The following EYS variants were observed in gnomAD, a reference collection of about 807,000 sequenced individuals.
The protein encoded by EYS is protein eyes shut homolog.
Under a neutral mutation model 282.1 loss-of-function variants are expected in EYS, and 250 were observed. That is an observed-to-expected ratio of 0.89 (90% CI 0.80 to 0.98). The LOEUF (loss-of-function observed/expected upper bound fraction) is 0.98, where lower values mean the gene tolerates loss of function less well. Among genes scored for constraint, EYS ranks in the 50% least tolerant of loss-of-function variants. The pLI is 0.00. For missense variants in EYS, 4,016 were observed against 3,709.0 expected, an observed-to-expected ratio of 1.08 and a Z score of -2.15; for synonymous variants, 1,355 against 1,282.9, an observed-to-expected ratio of 1.06 and a Z score of -1.20.
chr6:65,309,188 C>G (rs1399122455), intron 11 of EYS, among the ~76,000 whole-genome samples: 1 of 148,690 alleles, frequency 6.7e-6, no homozygotes, highest in African/African-American at 2.4e-5. Flanking sequence ...TAAATAAAGG[C>G]TGTTGATGGT....
intron 5 of EYS, among the ~76,000 whole-genome samples, chr6:65,484,009 A>T (rs1765699483): frequency 6.6e-6 from 1 of 152,168 alleles, no homozygotes; most frequent in African/African-American, 2.4e-5. Flanking sequence ...GTGGGAATTC[A>T]AGATGAGATT....
At chr6:64,046,995 T>C (rs1770650042) in intron 33 of EYS, among the ~76,000 whole-genome samples, 1 of 152,174 alleles carries the variant, frequency 6.6e-6, no homozygotes, top group Non-Finnish European at 1.5e-5. Context: ...CCCTTTATTC[T>C]CATAATATGC....
chr6:63,970,077 G>T (rs1440798470), intron 35 of EYS, among the ~76,000 whole-genome samples: 1 of 152,136 alleles, frequency 6.6e-6, no homozygotes, highest in East Asian at 1.9e-4. Flanking sequence ...AGAAAAAGCA[G>T]GTAGCTGAGA....
intron 16 of EYS, among the ~76,000 whole-genome samples, chr6:64,909,195 G>A (rs1157731401): frequency 2.0e-5 from 3 of 152,088 alleles, no homozygotes; most frequent in Non-Finnish European, 2.9e-5. Context: ...TAGGAAATCA[G>A]TATGTTTGTT....
At chr6:63,970,634 C>CAA (rs59815225) in intron 35 of EYS, among the ~76,000 whole-genome samples, 37,385 of 133,484 alleles carry the variant, frequency 0.28, 5,414 homozygotes, top group Non-Finnish European at 0.35. Flanking sequence ...GACTCCATCT[C>CAA]AAAAAAAAAA....
At chr6:65,338,388 G>T (rs1266407908) in intron 10 of EYS, among the ~76,000 whole-genome samples, 1 of 150,532 alleles carries the variant, frequency 6.6e-6, no homozygotes, top group Admixed American at 6.6e-5. Flanking sequence ...TCTCAACTTT[G>T]TGTATACAGA....
At chr6:63,860,055 C>CAACA (rs1178951982) in intron 36 of EYS, among the ~76,000 whole-genome samples, 1 of 152,130 alleles carries the variant, frequency 6.6e-6, no homozygotes. Flanking sequence ...TGTAATTGAA[C>CAACA]AACAGCTAGG....
chr6:64,040,522 C>A (rs1475331360), intron 33 of EYS, among the ~76,000 whole-genome samples: 2 of 151,842 alleles, frequency 1.3e-5, no homozygotes, highest in Non-Finnish European at 2.9e-5. Flanking sequence ...TATTGATTTT[C>A]AAATGTTAAT....
At chr6:65,275,519 T>C (rs1768021449) in intron 12 of EYS, among the ~76,000 whole-genome samples, 1 of 152,132 alleles carries the variant, frequency 6.6e-6, no homozygotes, top group Non-Finnish European at 1.5e-5. Context: ...TCTTCTCTCT[T>C]TGAGCCTGCA....
At chr6:65,296,544 A>G (rs1184735771) in intron 11 of EYS, among the ~76,000 whole-genome samples, 1 of 151,756 alleles carries the variant, frequency 6.6e-6, no homozygotes, top group African/African-American at 2.4e-5. Context: ...ATATACATAT[A>G]TATAAGATTA....
intron 26 of EYS, among the ~76,000 whole-genome samples, chr6:64,523,066 A>G (rs1777807639): frequency 6.6e-6 from 1 of 151,084 alleles, no homozygotes; most frequent in South Asian, 2.1e-4. Context: ...TTTTCCCCCT[A>G]CAGGTGAAAT....
intron 12 of EYS, among the ~76,000 whole-genome samples, chr6:65,201,800 CA>C (rs59775853): frequency 0.011 from 1,643 of 151,958 alleles, 22 homozygotes; most frequent in African/African-American, 0.038. Context: ...CTAAGCCACA[CA>C]AAAAAATGAT....
At chr6:65,109,463 C>T (rs371585061) in intron 12 of EYS, among the ~76,000 whole-genome samples, 1 of 151,800 alleles carries the variant, frequency 6.6e-6, no homozygotes, top group African/African-American at 2.4e-5. Context: ...GGCGGTAGCT[C>T]CTATATTATT....
chr6:64,074,481 T>C (rs1771696922), intron 32 of EYS, among the ~76,000 whole-genome samples: 1 of 151,526 alleles, frequency 6.6e-6, no homozygotes, highest in Non-Finnish European at 1.5e-5. Context: ...TATCACTTTA[T>C]TGAAATATTG....
intron 22 of EYS, among the ~76,000 whole-genome samples, chr6:64,692,495 T>A (rs1022380921): frequency 6.6e-6 from 1 of 152,342 alleles, no homozygotes; most frequent in Non-Finnish European, 1.5e-5. Flanking sequence ...TAGATATTTT[T>A]GTTTTCATTG....
intron 12 of EYS, among the ~76,000 whole-genome samples, chr6:65,156,978 T>C (rs1207901611): frequency 6.6e-6 from 1 of 151,054 alleles, no homozygotes; most frequent in African/African-American, 2.4e-5. Context: ...CAAAAAATAA[T>C]GACCTTATTC....
intron 28 of EYS, among the ~76,000 whole-genome samples, chr6:64,423,501 C>T (rs1774302479): frequency 6.6e-6 from 1 of 152,158 alleles, no homozygotes; most frequent in Non-Finnish European, 1.5e-5. Flanking sequence ...ATCGTCATGC[C>T]TCTTGAGGTG....
intron 12 of EYS, among the ~76,000 whole-genome samples, chr6:65,136,454 A>C (rs952196028): frequency 3.3e-5 from 5 of 152,048 alleles, no homozygotes; most frequent in Non-Finnish European, 7.4e-5. Flanking sequence ...ACTTCGAGAA[A>C]ACTAGCAAGG....
chr6:64,870,228 A>G (rs986672122), intron 19 of EYS, among the ~76,000 whole-genome samples: 2 of 151,626 alleles, frequency 1.3e-5, no homozygotes, highest in East Asian at 3.9e-4. Flanking sequence ...AATCTTACAC[A>G]TAAATATTCA....
Sources: allele counts gnomAD v4.1 joint callset (sites outside exome capture counted in the v4.1 genomes callset), GRCh38; gene constraint gnomAD v4.1.1; transcripts MANE v1.5; gene names NCBI Gene and HGNC (gene_info 2026-07-23, HGNC 2026-07-21).